The following DGKB variants were observed in gnomAD, a reference collection of about 807,000 sequenced individuals.
DGKB encodes the protein 90 kDa diacylglycerol kinase.
Under a neutral mutation model 114.3 loss-of-function variants are expected in DGKB, and 67 were observed. That is an observed-to-expected ratio of 0.59 (90% CI 0.48 to 0.72). DGKB has a LOEUF of 0.72. Among genes scored for constraint, DGKB ranks in the 30% least tolerant of loss-of-function variants. The pLI is 0.00. For missense variants in DGKB, 907 were observed against 975.2 expected (o/e 0.93, Z 0.93); for synonymous variants, 398 against 323.1 (o/e 1.23, Z -2.49).
intron 12 of DGKB, among the ~76,000 whole-genome samples, chr7:14,677,113 T>C (rs1381869340): frequency 2.6e-5 from 4 of 151,936 alleles, no homozygotes; most frequent in Non-Finnish European, 5.9e-5. Context: ...TCTATGTTTA[T>C]TAGAAAAAGC....
At chr7:14,521,828 C>G (rs1789817582) in intron 20 of DGKB, among the ~76,000 whole-genome samples, 1 of 152,108 alleles carries the variant, frequency 6.6e-6, no homozygotes. Context: ...TTGCATATCT[C>G]ATAATTTTCT....
At chr7:14,773,503 G>C (rs1290342529) in intron 2 of DGKB, among the ~76,000 whole-genome samples, 4 of 152,040 alleles carry the variant, frequency 2.6e-5, no homozygotes, top group Non-Finnish European at 5.9e-5. Flanking sequence ...TGACAGAGAA[G>C]GTAATGAAGA....
chr7:14,176,909 A>T lies in DGKB; in HGVS notation c.2244-10T>A, dbSNP rs1169448341. 2 of 1,613,242 alleles carry T rather than the reference A, an allele frequency of 1.2e-6. No individual in the cohort carries two copies. The highest frequency in any genetic ancestry group is 3.3e-5 in the Admixed American group (2 of 60,012). ...CAGAGACTTGCTCGTCCTGGGGGAA[A>T]ATATTTCATTGTAAGTATTGCAAGG... On this transcript the variant is annotated splice_polypyrimidine_tract_variant and intron_variant, in intron 24 of 25. Transcript: ENST00000402815.
chr7:14,780,686 A>G (rs1253552061), intron 2 of DGKB, among the ~76,000 whole-genome samples: 1 of 152,104 alleles, frequency 6.6e-6, no homozygotes, highest in Non-Finnish European at 1.5e-5. Flanking sequence ...GGTGCTTACT[A>G]TATGAACACT....
intron 20 of DGKB, among the ~76,000 whole-genome samples, chr7:14,556,388 CATAT>C (rs1373643641): frequency 6.6e-6 from 1 of 151,938 alleles, no homozygotes; most frequent in South Asian, 2.1e-4. Context: ...ATATTTATTA[CATAT>C]ATAATCACCT....
chr7:14,172,497 T>C (rs1781148150), intron 25 of DGKB, among the ~76,000 whole-genome samples: 1 of 152,022 alleles, frequency 6.6e-6, no homozygotes, highest in Non-Finnish European at 1.5e-5. Flanking sequence ...GACACGTAAA[T>C]TGGATTTGAG....
At position 14,306,586 on chromosome 7, in the gene DGKB, C is replaced by A. The variant is rs542952939; in HGVS notation, c.2122+31929G>T. 9.9e-5 allele frequency among the ~76,000 whole-genome samples: 15 copies of A among 152,088 alleles called. No individual in the cohort carries two copies. In the South Asian group the frequency reaches 3.1e-3, roughly 32 times the overall value. On this transcript the variant is annotated intron_variant, in intron 23 of 25. Coordinates refer to ENST00000402815, the MANE Select transcript of DGKB (RefSeq NM_001350709.2). ...TCTGAGAATCTGTGGATAGTCCAGT[C>A]GGTACAGTAGATAATTGAAATAAAG... is the stretch of plus-strand genomic sequence containing the variant.
At chr7:14,512,514 C>T (rs966423754) in intron 20 of DGKB, among the ~76,000 whole-genome samples, 1 of 152,058 alleles carries the variant, frequency 6.6e-6, no homozygotes, top group Admixed American at 6.6e-5. Context: ...CTGGAATGCT[C>T]TTTCTATAAT....
chr7:14,423,489 A>G (rs1411321000), intron 21 of DGKB, among the ~76,000 whole-genome samples: 1 of 152,054 alleles, frequency 6.6e-6, no homozygotes, highest in Non-Finnish European at 1.5e-5. Flanking sequence ...CATCTGGTTT[A>G]TAATTAATAC....
intron 23 of DGKB, among the ~76,000 whole-genome samples, chr7:14,300,970 GGATGCAGATTA>G (rs59969416): frequency 0.68 from 102,870 of 151,434 alleles, 35,477 homozygotes; most frequent in South Asian, 0.74. Flanking sequence ...TCCTCTAACT[GGATGCAGATTA>G]GATTGGATTT....
intron 23 of DGKB, among the ~76,000 whole-genome samples, chr7:14,236,687 G>A (rs1792840069): frequency 6.6e-6 from 1 of 151,832 alleles, no homozygotes; most frequent in African/African-American, 2.4e-5. Flanking sequence ...TTATATATTA[G>A]AAACAAGTAA....
chr7:14,469,127 C>T (rs1780908404), intron 21 of DGKB, among the ~76,000 whole-genome samples: 1 of 152,008 alleles, frequency 6.6e-6, no homozygotes, highest in Admixed American at 6.6e-5. Context: ...CAGGAAATAT[C>T]TTCCCTCTGT....
At chr7:14,681,849 A>C (rs1473252799) in intron 12 of DGKB, among the ~76,000 whole-genome samples, 1 of 152,104 alleles carries the variant, frequency 6.6e-6, no homozygotes, top group East Asian at 1.9e-4. Flanking sequence ...AGACCAATTT[A>C]TCTCTTCTTA....
Position 14,471,281 on chromosome 7 carries a change from C to CAT in DGKB, c.1835+6878_1835+6879dup, listed in dbSNP as rs368550699. On this transcript the variant is annotated intron_variant, in intron 21 of 25. Coordinates refer to ENST00000402815, the MANE Select transcript of DGKB (RefSeq NM_001350709.2). ...TGTATGGAATATATGTGTATACATACATATATGTATGGAATATATGTGTAT... is the reference window on the plus strand; with the variant it reads ...TGTATGGAATATATGTGTATACATACATATATATGTATGGAATATATGTGTAT... 5.1e-5 allele frequency among the ~76,000 whole-genome samples: 3 copies of CAT among 58,398 alleles called. 1 individual carries two copies. In the Admixed American group the frequency reaches 7.1e-4, roughly 14 times the overall value. 38.3% of individuals were successfully genotyped at this position (58,398 alleles called of 152,430 possible). A position where few individuals can be genotyped will look rare whatever the true frequency, so the allele number is the denominator to read the frequency against.
chr7:14,476,966 G>T (rs1782275507), intron 21 of DGKB, among the ~76,000 whole-genome samples: 1 of 151,852 alleles, frequency 6.6e-6, no homozygotes, highest in Non-Finnish European at 1.5e-5. Flanking sequence ...TGGTCAGGCT[G>T]GTCTCGAACT....
intron 1 of DGKB, among the ~76,000 whole-genome samples, chr7:14,933,980 G>C (rs1272069218): frequency 6.6e-6 from 1 of 152,056 alleles, no homozygotes; most frequent in East Asian, 1.9e-4. Context: ...TCCACCCATT[G>C]AGTCTGTAGA....
intron 1 of DGKB, among the ~76,000 whole-genome samples, chr7:14,893,929 G>T (rs1781698977): frequency 6.6e-6 from 1 of 151,238 alleles, no homozygotes; most frequent in East Asian, 1.9e-4. Flanking sequence ...TCTCCATAAT[G>T]TCAAAATCGG....
chr7:14,335,281 G>A (rs1211734706), intron 23 of DGKB, among the ~76,000 whole-genome samples: 1 of 151,860 alleles, frequency 6.6e-6, no homozygotes, highest in Non-Finnish European at 1.5e-5. Flanking sequence ...AAATAAAAGA[G>A]TAAACTTTAA....
intron 1 of DGKB, among the ~76,000 whole-genome samples, chr7:14,962,289 A>G (rs996601168): frequency 6.6e-6 from 1 of 150,748 alleles, no homozygotes; most frequent in Admixed American, 6.6e-5. Flanking sequence ...GAATGGCTGT[A>G]TCTATTTGCA....
Sources: gnomAD v4.1 joint callset for allele counts (sites outside exome capture counted in the v4.1 genomes callset) on GRCh38, gnomAD v4.1.1 for gene constraint, MANE v1.5 for transcripts, NCBI Gene and HGNC (gene_info 2026-07-23, HGNC 2026-07-21) for gene names.